The following TNK2 variants were observed in gnomAD, a reference collection of about 807,000 sequenced individuals.
The protein encoded by TNK2 is activated CDC42 kinase 1.
TNK2 carries 83 observed loss-of-function variants against 101.8 expected under a neutral mutation model. The observed-to-expected ratio is 0.82, with a 90% confidence interval of 0.68 to 0.98. The LOEUF (loss-of-function observed/expected upper bound fraction) is 0.98. TNK2 is among the 50% of genes least tolerant of loss of function. The pLI is 0.00. For missense variants in TNK2, 1,665 were observed against 1,483.2 expected, an observed-to-expected ratio of 1.12 and a Z score of -2.01; for synonymous variants, 804 against 633.0, an observed-to-expected ratio of 1.27 and a Z score of -4.06.
At chr3:195,898,779 C>T (rs999005485) in intron 1 of TNK2, among the ~76,000 whole-genome samples, 31 of 152,204 alleles carry the variant, frequency 2.0e-4, no homozygotes, top group African/African-American at 7.5e-4. Context: ...GCACCAGCCA[C>T]CATGTCCGGA....
chr3:195,867,204 C>T lies in TNK2; in HGVS notation c.2998G>A (p.Gly1000Ser), dbSNP rs778594314. The T allele has an allele frequency of 9.3e-6, 15 of 1,613,038 alleles. No homozygotes were observed. The highest frequency in any genetic ancestry group is 2.2e-5 in the South Asian group (2 of 91,078). ...TGGGCAGCCCTCTGCACGCTCCAGCCGTGGCACTGCAGGGCCGCCTGGCAC... is the reference window on the plus strand; with the variant it reads ...TGGGCAGCCCTCTGCACGCTCCAGCTGTGGCACTGCAGGGCCGCCTGGCAC... ...EECQAALQCH[G>S]WSVQRAAQYL... The change falls in exon 14 of 16, where the codon GGC (glycine) becomes AGC (serine). Residue 1000 changes from glycine (G) to serine (S), a missense_variant. Coordinates refer to ENST00000672887, the MANE Select transcript of TNK2 (RefSeq NM_001382273.1).
intron 10 of TNK2, among the ~76,000 whole-genome samples, chr3:195,870,590 C>G (rs1744437896): frequency 6.6e-6 from 1 of 152,252 alleles, no homozygotes; most frequent in African/African-American, 2.4e-5. Context: ...TGGTGCCCAG[C>G]CAGGGTGGGC....
Position 195,905,200 on chromosome 3 carries a change from T to G in TNK2, c.-19+3285A>C, listed in dbSNP as rs568745608. Among the ~76,000 whole-genome samples the G allele has an allele frequency of 9.2e-5, 14 of 152,158 alleles. No homozygotes were observed. The South Asian group carries it at 2.9e-3, about 32-fold the overall frequency. On this transcript the variant is annotated intron_variant, in intron 1 of 15. Coordinates refer to ENST00000672887, the MANE Select transcript of TNK2 (RefSeq NM_001382273.1). ...AATTAGACACACACAAACAATTGAT[T>G]TTTTTCTTTTTCTTTTTGAGATGGA...
At chr3:195,891,933 A>G (rs1758640638) in intron 1 of TNK2, 2 of 988,718 alleles carry the variant, frequency 2.0e-6, no homozygotes, top group African/African-American at 3.5e-5. Context: ...TGTGCACTCC[A>G]TGCTCCCTGA....
chr3:195,886,480 G>A lies in TNK2; in HGVS notation c.234+497C>T, dbSNP rs1755640814. Among the ~76,000 whole-genome samples the A allele has an allele frequency of 6.6e-6, 1 of 152,088 alleles. No homozygotes were observed. Among genetic ancestry groups the A allele is most frequent in the Non-Finnish European group, 1.5e-5 (1 of 68,024 alleles). ...CAGACCAGGGACTCACTACACCACA[G>A]ACCCAAATTAGGACAAGGTGTGGGG... On this transcript the variant is annotated intron_variant, in intron 3 of 15. Coordinates refer to ENST00000672887, the MANE Select transcript of TNK2 (RefSeq NM_001382273.1). This position sits in a 1 kb window ranked among gnomAD's most constrained non-coding sequence, Gnocchi z 4.2.
intron 9 of TNK2, among the ~76,000 whole-genome samples, chr3:195,874,541 C>T (rs570644429): frequency 4.0e-4 from 58 of 144,862 alleles, no homozygotes; most frequent in Non-Finnish European, 7.7e-4. Context: ...AACTCCCCCT[C>T]GGGATGGCGC....
intron 1 of TNK2, chr3:195,892,012 T>G: frequency 2.0e-6 from 2 of 1,020,560 alleles, no homozygotes; most frequent in Non-Finnish European, 2.3e-6. Context: ...GGGATGCTGG[T>G]GAGGCAAGCG....
intron 1 of TNK2, among the ~76,000 whole-genome samples, chr3:195,902,604 C>T (rs1459082213): frequency 9.3e-6 from 1 of 107,086 alleles, no homozygotes; most frequent in African/African-American, 3.7e-5. Context: ...GGCAACAGAG[C>T]AAGACTCCGT....
At chr3:195,872,185 T>C in intron 10 of TNK2, 91 bp downstream of exon 10, 1 of 1,330,084 alleles carries the variant, frequency 7.5e-7, no homozygotes, top group Non-Finnish European at 1.0e-6. Context: ...GGCGAAAGGG[T>C]GAAGAGCAGA....
chr3:195,905,087 C>A (rs931230978), intron 1 of TNK2, among the ~76,000 whole-genome samples: 1 of 152,162 alleles, frequency 6.6e-6, no homozygotes, highest in Non-Finnish European at 1.5e-5. Flanking sequence ...TCAAGACTTA[C>A]TATAGTTTAT....
intron 1 of TNK2, chr3:195,891,919 C>G: frequency 1.0e-6 from 1 of 987,412 alleles, no homozygotes. Flanking sequence ...CACCTCTGTT[C>G]AGCTGTGCAC....
Position 195,892,815 on chromosome 3 carries a change from CCTCT to C in TNK2, c.-18-4213_-18-4210del, listed in dbSNP as rs1171903676. On this transcript the variant is annotated intron_variant, in intron 1 of 15. Coordinates refer to ENST00000672887, the MANE Select transcript of TNK2 (RefSeq NM_001382273.1). ...GCCCGGCCGCCCTCCCTCTTGCCTG[CCTCT>C]CTCTCTCCCTCTCTCCCTCCCTCCC... The C allele has an allele frequency of 9.7e-6, 10 of 1,028,776 alleles. No homozygotes were observed. The East Asian group carries it at 4.6e-4, about 48-fold the overall frequency. The allele number at this position is 1,028,776 out of a possible 1,614,324, so 63.7% of individuals were successfully genotyped here.
chr3:195,895,402 C>G, intron 1 of TNK2: 8 of 1,533,652 alleles, frequency 5.2e-6, no homozygotes, highest in Non-Finnish European at 7.0e-6. Context: ...TCCTGGGGGG[C>G]CGGGCCTCGA....
Position 195,870,134 on chromosome 3 carries a change from T to G in TNK2, c.1523A>C (p.Gln508Pro). 2 of 1,393,762 alleles carry G rather than the reference T, an allele frequency of 1.4e-6. No individual in the cohort carries two copies. Among genetic ancestry groups the G allele is most frequent in the Non-Finnish European group, 9.4e-7 (1 of 1,059,582 alleles). 86.3% of individuals were successfully genotyped at this position (1,393,762 alleles called of 1,614,324 possible). Residue 508 changes from glutamine (Q) to proline (P), a missense_variant, in exon 11 of 16, where the codon CAG becomes CCG. Gln to Pro is a moderately conservative substitution (Grantham distance 76). This residue lies in a region of TNK2 where 1,136 missense variants were observed against 894.9 expected (regional missense o/e 1.27). Transcript: ENST00000672887. ...CTTACTTTTCACCCCTCCTAGATGCTGGGGGGGCCGGGAGGTGCTCAGTTC... is the reference window on the plus strand; with the variant it reads ...CTTACTTTTCACCCCTCCTAGATGCGGGGGGGGCCGGGAGGTGCTCAGTTC... ...SVELSTSRPP[Q>P]HLGGVKREPP...
In TNK2 at chr3:195,883,142, G is replaced by A. The variant is rs754737707; in HGVS notation, c.609+15C>T. 7 of 900,918 alleles carry A rather than the reference G, an allele frequency of 7.8e-6. No individual in the cohort carries two copies. The highest frequency in any genetic ancestry group is 3.9e-5 in the East Asian group (1 of 25,390). The allele number at this position is 900,918 out of a possible 1,614,324, so 55.8% of individuals were successfully genotyped here. ...GCCCTCTCCCTGCCCGCCCCCTCCC[G>A]CCCGCAGTACTCACCATCTTCATGG... On this transcript the variant is annotated intron_variant, in intron 5 of 15. Transcript: ENST00000672887.
intron 9 of TNK2, chr3:195,876,732 C>A (rs1749562794): frequency 2.3e-6 from 1 of 435,238 alleles, no homozygotes; most frequent in South Asian, 1.6e-5. Context: ...GCGGCTGGGG[C>A]CAACGGGGGC....
At chr3:195,902,051 A>T (rs549967611) in intron 1 of TNK2, among the ~76,000 whole-genome samples, 2 of 152,290 alleles carry the variant, frequency 1.3e-5, no homozygotes, top group Middle Eastern at 3.4e-3. Flanking sequence ...AACAACAATT[A>T]AAAAAGGATG....
Position 195,874,624 on chromosome 3 carries a change from T to TC in TNK2, c.1257-2155dup, listed in dbSNP as rs1240299922. 1.6e-3 allele frequency among the ~76,000 whole-genome samples: 56 copies of TC among 35,480 alleles called. 5 individuals are homozygous for TC. The highest frequency in any genetic ancestry group is 8.4e-3 in the African/African-American group (47 of 5,616). The allele number at this position is 35,480 out of a possible 152,430, so 23.3% of individuals were successfully genotyped here. A position where few individuals can be genotyped will look rare whatever the true frequency, so the allele number is the denominator to read the frequency against. ...ACGCACACTCCGAGGCACAAGAAGC[T>TC]CCCCTCGGGATGGCGCCCACGCACA... On this transcript the variant is annotated intron_variant, in intron 9 of 15. Transcript: ENST00000672887.
intron 1 of TNK2, among the ~76,000 whole-genome samples, chr3:195,901,241 A>G (rs1761174645): frequency 6.6e-6 from 1 of 152,240 alleles, no homozygotes; most frequent in Non-Finnish European, 1.5e-5. Context: ...CCAAGGTACC[A>G]GGAAGCTGTC....
Sources: gnomAD v4.1 joint callset for allele counts (sites outside exome capture counted in the v4.1 genomes callset) on GRCh38, gnomAD v4.1.1 for gene constraint, gnomAD v4.1.1 regional missense constraint, Gnocchi (gnomAD v3.1) non-coding constraint, MANE v1.5 for transcripts, NCBI Gene and HGNC (gene_info 2026-07-23, HGNC 2026-07-21) for gene names.